Variants in SPECC1 observed in about 807,000 individuals in gnomAD.
SPECC1 encodes the protein cytospin-B.
In SPECC1, 62 loss-of-function variants were observed where a neutral mutation model predicts 104.1. The ratio of observed to expected loss-of-function variants is 0.60; its 90% CI spans 0.49 to 0.74. The LOEUF is 0.74. SPECC1 is among the 30% of genes least tolerant of loss of function. The pLI, the probability that SPECC1 is intolerant of heterozygous loss-of-function variation, is 0.00. For missense variants in SPECC1, 1,306 were observed against 1,310.5 expected (o/e 1.00, Z 0.05); for synonymous variants, 513 against 501.6 (o/e 1.02, Z -0.30).
chr17:20,234,459 C>G (rs1056261983), intron 7 of SPECC1, among the ~76,000 whole-genome samples: 3 of 152,188 alleles, frequency 2.0e-5, no homozygotes, highest in African/African-American at 7.2e-5. Context: ...GCTGGTGGTT[C>G]AGCCACTTCC....
rs558085868 is a variant in SPECC1, at chr17:20,203,168, A to G, written c.284-1165A>G. 3.9e-5 allele frequency among the ~76,000 whole-genome samples: 6 copies of G among 152,058 alleles called. No homozygotes were observed. In the East Asian group the frequency reaches 9.7e-4, roughly 25 times the overall value. The stretch of plus-strand genomic sequence containing the variant: ...TGCCCTTCCTACACTGTAGAGGCCT[A>G]CAGGTTGATGACCACTTCTGGGACC... On this transcript the variant is annotated intron_variant, in intron 3 of 14. Transcript: ENST00000395527.
At chr17:20,253,705 T>G (rs1490845746) in intron 10 of SPECC1, 119 bp downstream of exon 10, 5 of 924,040 alleles carry the variant, frequency 5.4e-6, no homozygotes, top group African/African-American at 1.6e-5. Context: ...TGCAAGTGAT[T>G]TCAACCCCGA....
At chr17:20,045,584 A>T (rs759189488) in intron 1 of SPECC1, among the ~76,000 whole-genome samples, 1 of 152,278 alleles carries the variant, frequency 6.6e-6, no homozygotes, top group East Asian at 1.9e-4. Context: ...TCTCTCTCAC[A>T]TATGGTGGCT....
intron 12 of SPECC1, among the ~76,000 whole-genome samples, chr17:20,268,159 T>C (rs554551551): frequency 1.4e-4 from 21 of 152,384 alleles, no homozygotes; most frequent in East Asian, 5.8e-4. Context: ...AAAATGTATC[T>C]GTATCTGTTC....
chr17:20,312,143 T>C (rs1187623572), intron 14 of SPECC1, among the ~76,000 whole-genome samples: 2 of 152,230 alleles, frequency 1.3e-5, no homozygotes, highest in African/African-American at 2.4e-5. Context: ...TTGGGAATTA[T>C]TCTCTCCTCT....
intron 1 of SPECC1, among the ~76,000 whole-genome samples, chr17:20,031,389 A>G (rs2044805342): frequency 6.6e-6 from 1 of 151,926 alleles, no homozygotes; most frequent in Non-Finnish European, 1.5e-5. Flanking sequence ...GCGCAATCTC[A>G]GCTCACTGCA....
At chr17:20,247,815 A>T (rs2039481482) in intron 9 of SPECC1, among the ~76,000 whole-genome samples, 1 of 152,226 alleles carries the variant, frequency 6.6e-6, no homozygotes, top group Admixed American at 6.5e-5. Flanking sequence ...ATAAGGGTAT[A>T]TCAAGATTCA....
intron 2 of SPECC1, among the ~76,000 whole-genome samples, chr17:20,106,317 A>T (rs574479178): frequency 6.6e-6 from 1 of 152,308 alleles, no homozygotes; most frequent in Admixed American, 6.5e-5. Context: ...AACATGTATT[A>T]TACAGGTGAC....
chr17:20,205,415 CCCA>C lies in SPECC1; in HGVS notation c.1371_1373del (p.Thr458del). ...ACAAGAGCGAGTAAAGAATGAAGAGCCCACCACTCAGGAAGGAAAAATTATTGA... is the reference window on the plus strand; with the variant it reads ...ACAAGAGCGAGTAAAGAATGAAGAGCCCACTCAGGAAGGAAAAATTATTGA... On this transcript the variant is annotated inframe_deletion, in exon 4 of 15. Transcript: ENST00000395527. 1 of 1,614,042 alleles carries C rather than the reference CCCA, an allele frequency of 6.2e-7. No homozygotes were observed. Among genetic ancestry groups the C allele is most frequent in the Non-Finnish European group, 8.5e-7 (1 of 1,180,028 alleles).
chr17:20,122,416 G>A (rs1350802073), intron 3 of SPECC1, among the ~76,000 whole-genome samples: 1 of 152,200 alleles, frequency 6.6e-6, no homozygotes, highest in Non-Finnish European at 1.5e-5. Flanking sequence ...TGGCACCGGG[G>A]AACAGCAGCT....
At chr17:20,034,170 T>C (rs2044955811) in intron 1 of SPECC1, among the ~76,000 whole-genome samples, 6 of 151,952 alleles carry the variant, frequency 3.9e-5, no homozygotes, top group African/African-American at 1.5e-4. Context: ...CAATCTCGGC[T>C]CACTGCAACT....
chr17:20,073,872 C>T (rs1567825333), intron 1 of SPECC1, among the ~76,000 whole-genome samples: 1 of 152,080 alleles, frequency 6.6e-6, no homozygotes, highest in Non-Finnish European at 1.5e-5. Flanking sequence ...AAGTTAATGC[C>T]ACATGCATGA....
In SPECC1 at chr17:20,086,828, A is replaced by G. The variant is rs1001218784; in HGVS notation, c.-21-9803A>G. Among the ~76,000 whole-genome samples the G allele has an allele frequency of 3.3e-5, 5 of 152,302 alleles. No individual in the cohort carries two copies. In the East Asian group the frequency reaches 7.7e-4, roughly 23 times the overall value. On this transcript the variant is annotated intron_variant, in intron 1 of 14. Coordinates refer to ENST00000395527, the MANE Select transcript of SPECC1 (RefSeq NM_001243439.2). ...CCTCATCGTTCAAATGCACGGAAGC[A>G]TGTTGGTAGAGCACACAGAGGTTTT... is the stretch of plus-strand genomic sequence containing the variant.
chr17:20,179,695 T>A (rs1204729127), intron 3 of SPECC1, among the ~76,000 whole-genome samples: 1 of 152,230 alleles, frequency 6.6e-6, no homozygotes, highest in East Asian at 1.9e-4. Context: ...CCATCTCATT[T>A]GAACAAATAT....
chr17:20,213,529 C>T (rs2151391578), intron 4 of SPECC1, among the ~76,000 whole-genome samples: 1 of 152,312 alleles, frequency 6.6e-6, no homozygotes, highest in East Asian at 1.9e-4. Context: ...TGAAGAAAAC[C>T]ACCTTTGAAA....
At chr17:20,237,025 C>T in intron 7 of SPECC1, 2 of 1,536,482 alleles carry the variant, frequency 1.3e-6, no homozygotes, top group Non-Finnish European at 1.7e-6. Flanking sequence ...TTCTCTGTTT[C>T]TCAGAGTCAT....
In SPECC1 at chr17:20,259,673, T is replaced by TTTTTTTA. The variant is rs1301749996; in HGVS notation, c.2838-505_2838-499dup. On this transcript the variant is annotated intron_variant, in intron 11 of 14. Transcript: ENST00000395527. The stretch of plus-strand genomic sequence containing the variant: ...GATGCACACCACCATGCCCAGCTAA[T>TTTTTTTA]TTTTTTATTTTTTATTTTTTTAAAG... Among the ~76,000 whole-genome samples the TTTTTTTA allele has an allele frequency of 3.9e-5, 6 of 152,090 alleles. No individual in the cohort carries two copies. In the East Asian group the frequency reaches 1.2e-3, roughly 29 times the overall value.
rs1476537280 is a variant in SPECC1, at chr17:20,088,210, G to A, written c.-21-8421G>A. Among the ~76,000 whole-genome samples, 3 of 152,176 alleles carry A rather than the reference G, an allele frequency of 2.0e-5. No individual in the cohort carries two copies. In the East Asian group the frequency reaches 5.8e-4, roughly 29 times the overall value. ...GGGGGTTCTGTGTAGGGAGTGATGT[G>A]ATCTGATTTTTGTGTACGTGTCTTA... On this transcript the variant is annotated intron_variant, in intron 1 of 14. Transcript: ENST00000395527.
chr17:20,157,112 T>C (rs1021843824), intron 3 of SPECC1, among the ~76,000 whole-genome samples: 1 of 152,190 alleles, frequency 6.6e-6, no homozygotes, highest in African/African-American at 2.4e-5. Context: ...GTGAAGCGAC[T>C]TGTCCGAGTG....
Sources: allele counts gnomAD v4.1 joint callset (sites outside exome capture counted in the v4.1 genomes callset), GRCh38; gene constraint gnomAD v4.1.1; transcripts MANE v1.5; gene names NCBI Gene and HGNC (gene_info 2026-07-23, HGNC 2026-07-21).